Variants in TOPBP1 observed in about 807,000 individuals in gnomAD.
TOPBP1 encodes DNA topoisomerase 2-binding protein 1.
TOPBP1 carries 28 observed loss-of-function variants against 167.7 expected under a neutral mutation model. That is an observed-to-expected ratio of 0.17 (90% confidence interval 0.12 to 0.23). The LOEUF (loss-of-function observed/expected upper bound fraction) is 0.23. TOPBP1 is among the 10% of genes least tolerant of loss of function. The pLI, the probability that TOPBP1 is intolerant of heterozygous loss-of-function variation, is 1.00. For synonymous variants in TOPBP1, 598 were observed against 611.4 expected, an observed-to-expected ratio of 0.98 and a Z score of 0.32; for missense variants, 1,554 against 1,809.6, an observed-to-expected ratio of 0.86 and a Z score of 2.56.
At chr3:133,615,504 T>TG (rs1934841541) in intron 23 of TOPBP1, among the ~76,000 whole-genome samples, 1 of 151,878 alleles carries the variant, frequency 6.6e-6, no homozygotes, top group East Asian at 1.9e-4. Flanking sequence ...ACCCCACCAA[T>TG]ATTTCTTAAT....
chr3:133,606,725 A>AT (rs1047686152), intron 27 of TOPBP1, among the ~76,000 whole-genome samples: 3 of 152,068 alleles, frequency 2.0e-5, no homozygotes, highest in African/African-American at 4.8e-5. Context: ...CGATCATTTG[A>AT]TTTTTTATCA....
At position 133,619,585 on chromosome 3, in the gene TOPBP1, AC is replaced by A; in HGVS notation, c.3371+569del. Among the ~76,000 whole-genome samples, 3 of 152,340 alleles carry A rather than the reference AC, an allele frequency of 2.0e-5. No homozygotes were observed. The East Asian group carries it at 5.8e-4, about 29-fold the overall frequency. On this transcript the variant is annotated intron_variant, in intron 20 of 27. Coordinates refer to ENST00000260810, the MANE Select transcript of TOPBP1 (RefSeq NM_007027.4). ...AATACAAAATGCATGCAAAATCCCA[AC>A]AAAAATAACTTTAAGATTTTACATA... is the stretch of plus-strand genomic sequence containing the variant.
Position 133,633,696 on chromosome 3 carries a change from G to GT in TOPBP1, c.2520+4179dup, listed in dbSNP as rs1381220687. On this transcript the variant is annotated intron_variant, in intron 14 of 27. Coordinates refer to ENST00000260810, the MANE Select transcript of TOPBP1 (RefSeq NM_007027.4). ...AGTCCTAGTTGCTTTGAAGGCAGAG[G>GT]TGGAAGTATTGCTTGAGTCCAGAGG... Among the ~76,000 whole-genome samples, 16 of 152,312 alleles carry GT rather than the reference G, an allele frequency of 1.1e-4. No individual in the cohort carries two copies. In the East Asian group the frequency reaches 2.7e-3, roughly 26 times the overall value.
intron 14 of TOPBP1, among the ~76,000 whole-genome samples, chr3:133,637,093 C>G (rs1017605474): frequency 6.6e-6 from 1 of 151,986 alleles, no homozygotes. Context: ...TAAGTCCACT[C>G]CAAAACACAA....
In TOPBP1 at chr3:133,628,827, G is replaced by A. The variant is rs1350590665; in HGVS notation, c.2521-94C>T. 3.1e-6 allele frequency: 4 copies of A among 1,301,714 alleles called. No homozygotes were observed. The African/African-American group carries it at 4.5e-5, about 15-fold the overall frequency. 80.6% of individuals were successfully genotyped at this position (1,301,714 alleles called of 1,614,324 possible). A position where few individuals can be genotyped will look rare whatever the true frequency, so the allele number is the denominator to read the frequency against. ...AGGACAGGAAAAAGAAAGAGGAGGA[G>A]AGAGGGGTAAAGAGAGAGAAGGGGG... On this transcript the variant is annotated intron_variant, in intron 14 of 27. Coordinates refer to ENST00000260810, the MANE Select transcript of TOPBP1 (RefSeq NM_007027.4).
At chr3:133,653,225 T>C (rs1448958679) in intron 7 of TOPBP1, 120 bp downstream of exon 7, 4 of 984,520 alleles carry the variant, frequency 4.1e-6, no homozygotes, top group Non-Finnish European at 5.6e-6. Context: ...CAATTATGCC[T>C]AGAAGCACAG....
chr3:133,640,209 T>C (rs1161579989), intron 12 of TOPBP1, 39 bp from the exon 13 acceptor site: 7 of 1,555,324 alleles, frequency 4.5e-6, no homozygotes, highest in South Asian at 3.4e-5. Context: ...TGGTCACATA[T>C]ACAATTAACC....
chr3:133,605,453 C>G (rs1327430851), intron 27 of TOPBP1, among the ~76,000 whole-genome samples: 1 of 150,084 alleles, frequency 6.7e-6, no homozygotes, highest in East Asian at 2.0e-4. Context: ...ATGGCGTGAT[C>G]AAGTGGGACT....
chr3:133,612,242 G>A, intron 24 of TOPBP1, 147 bp downstream of exon 24: 1 of 785,240 alleles, frequency 1.3e-6, no homozygotes, highest in Non-Finnish European at 2.0e-6. Flanking sequence ...GTTTCACCAT[G>A]TTGGCCAGGC....
chr3:133,628,420 G>GT lies in TOPBP1; in HGVS notation c.2745dup (p.Leu916ThrfsTer3). 6.2e-7 allele frequency: 1 copy of GT among 1,611,002 alleles called. No individual in the cohort carries two copies. The highest frequency in any genetic ancestry group is 2.2e-5 in the East Asian group (1 of 44,818). ...TTTAGTTCACTCTGCTTCTTACTGA[G>GT]TTTTTTACTAACACATACCACTACT... is the stretch of plus-strand genomic sequence containing the variant. On this transcript the variant is annotated frameshift_variant, in exon 16 of 28. Coordinates refer to ENST00000260810, the MANE Select transcript of TOPBP1 (RefSeq NM_007027.4). LOFTEE classifies it high-confidence loss of function.
At position 133,643,501 on chromosome 3, in the gene TOPBP1, T is replaced by C. The variant is rs139038309; in HGVS notation, c.1849-129A>G. On this transcript the variant is annotated intron_variant, in intron 11 of 27. Transcript: ENST00000260810. ...TTTTACTTTAATACAAACTTGTGTA[T>C]GCTCATTCTCAATACATTTCATATC... The C allele has an allele frequency of 3.9e-3, 2,636 of 677,532 alleles. 16 individuals are homozygous for C. Among genetic ancestry groups the C allele is most frequent in the Non-Finnish European group, 4.8e-3 (2,003 of 418,650 alleles). 42.0% of individuals were successfully genotyped at this position (677,532 alleles called of 1,614,324 possible). A position where few individuals can be genotyped will look rare whatever the true frequency, so the allele number is the denominator to read the frequency against.
At chr3:133,647,906 G>A (rs1414676715) in intron 10 of TOPBP1, among the ~76,000 whole-genome samples, 1 of 152,134 alleles carries the variant, frequency 6.6e-6, no homozygotes, top group Non-Finnish European at 1.5e-5. Flanking sequence ...CAAAGCAAAT[G>A]GGAGTTAAGA....
At chr3:133,614,971 TATA>T (rs754288332) in intron 23 of TOPBP1, among the ~76,000 whole-genome samples, 16 of 149,704 alleles carry the variant, frequency 1.1e-4, no homozygotes, top group South Asian at 6.3e-4. Context: ...GAACTTAGAG[TATA>T]ATAATAATAA....
At chr3:133,615,077 T>A (rs1371907794) in intron 23 of TOPBP1, among the ~76,000 whole-genome samples, 1 of 150,344 alleles carries the variant, frequency 6.7e-6, no homozygotes, top group African/African-American at 2.5e-5. Context: ...CATAAATCTT[T>A]TTTTTTTTTT....
At chr3:133,616,589 C>T (rs1047137217) in intron 23 of TOPBP1, among the ~76,000 whole-genome samples, 12 of 152,174 alleles carry the variant, frequency 7.9e-5, no homozygotes, top group Non-Finnish European at 1.5e-4. Flanking sequence ...ATTCTTAAAC[C>T]TCAACTGCTA....
intron 3 of TOPBP1, 77 bp from the exon 4 acceptor site, chr3:133,658,018 T>C (rs1363237682): frequency 8.1e-7 from 1 of 1,236,570 alleles, no homozygotes; most frequent in Non-Finnish European, 1.1e-6. Flanking sequence ...TTTGTAACAT[T>C]CACCAATTCT....
At chr3:133,612,011 T>G (rs1576679622) in intron 24 of TOPBP1, among the ~76,000 whole-genome samples, 1 of 150,470 alleles carries the variant, frequency 6.6e-6, no homozygotes, top group Non-Finnish European at 1.5e-5. Context: ...GTGCTGAAAG[T>G]GGCATGAGCC....
Position 133,617,366 on chromosome 3 carries a change from T to C in TOPBP1, c.3593-40A>G, listed in dbSNP as rs374085748. The C allele has an allele frequency of 3.3e-6, 5 of 1,517,058 alleles. No individual in the cohort carries two copies. The African/African-American group carries it at 5.6e-5, about 17-fold the overall frequency. The allele number at this position is 1,517,058 out of a possible 1,614,324, so 94.0% of individuals were successfully genotyped here. On this transcript the variant is annotated intron_variant, in intron 21 of 27. Transcript: ENST00000260810. ...ATGCTGCAGTGTGACAGGATCCAAA[T>C]AAGACTAAAAACAAATTCTAGGAAA...
intron 8 of TOPBP1, 104 bp from the exon 9 acceptor site, chr3:133,650,047 G>T: frequency 1.0e-6 from 1 of 959,862 alleles, no homozygotes; most frequent in Non-Finnish European, 1.4e-6. Context: ...GACAACTTGT[G>T]TACATTTAAG....
Sources: gnomAD v4.1 joint callset for allele counts (sites outside exome capture counted in the v4.1 genomes callset) on GRCh38, gnomAD v4.1.1 for gene constraint, MANE v1.5 for transcripts, NCBI Gene and HGNC (gene_info 2026-07-23, HGNC 2026-07-21) for gene names.